Variants in AGBL4 observed in about 807,000 individuals in gnomAD.
The protein encoded by AGBL4 is cytosolic carboxypeptidase 6.
In AGBL4, 58 loss-of-function variants were observed where a neutral mutation model predicts 66.4. That is an observed-to-expected ratio of 0.87 (90% CI 0.71 to 1.09). AGBL4 has a LOEUF of 1.09. Among genes scored for constraint, AGBL4 ranks in the 50% least tolerant of loss-of-function variants. The probability of loss-of-function intolerance (pLI) is 0.00; values close to 1 mark genes in which losing one functional copy is unlikely to be tolerated. For missense variants in AGBL4, 579 were observed against 631.0 expected, an observed-to-expected ratio of 0.92 and a Z score of 0.88; for synonymous variants, 234 against 222.9, an observed-to-expected ratio of 1.05 and a Z score of -0.44.
chr1:48,816,805 T>G (rs936470552), intron 6 of AGBL4, among the ~76,000 whole-genome samples: 1 of 152,080 alleles, frequency 6.6e-6, no homozygotes, highest in African/African-American at 2.4e-5. Context: ...CACAATCTAA[T>G]GAAGGAAAAA....
At chr1:48,603,675 T>C (rs1645109537) in intron 9 of AGBL4, among the ~76,000 whole-genome samples, 1 of 152,138 alleles carries the variant, frequency 6.6e-6, no homozygotes. Flanking sequence ...TACATTTACA[T>C]TTTAGCAAGA....
chr1:48,618,911 A>G (rs527800887), intron 9 of AGBL4, among the ~76,000 whole-genome samples: 4 of 151,818 alleles, frequency 2.6e-5, no homozygotes, highest in African/African-American at 9.7e-5. Flanking sequence ...GTAATTCTGA[A>G]TTTTTGTGCT....
intron 3 of AGBL4, among the ~76,000 whole-genome samples, chr1:49,467,864 T>A (rs1003926341): frequency 3.3e-5 from 5 of 151,840 alleles, no homozygotes; most frequent in Admixed American, 6.6e-5. Context: ...CTTTAAGAGT[T>A]CCCATTTGGG....
At chr1:48,862,922 A>G (rs905608485) in intron 6 of AGBL4, among the ~76,000 whole-genome samples, 8 of 152,240 alleles carry the variant, frequency 5.3e-5, no homozygotes, top group African/African-American at 1.9e-4. Flanking sequence ...TATACAGATT[A>G]AGAGGGTTAC....
At chr1:49,682,868 CA>C (rs1202004634) in intron 3 of AGBL4, among the ~76,000 whole-genome samples, 1 of 152,138 alleles carries the variant, frequency 6.6e-6, no homozygotes, top group Non-Finnish European at 1.5e-5. Context: ...AGTCTCAGAG[CA>C]GAGACAGAAA....
intron 3 of AGBL4, among the ~76,000 whole-genome samples, chr1:49,520,505 A>G (rs1650171092): frequency 6.6e-6 from 1 of 152,116 alleles, no homozygotes; most frequent in African/African-American, 2.4e-5. Context: ...TAGAGCTTTC[A>G]AAAGTCATAA....
At chr1:49,303,259 T>A (rs1394569774) in intron 3 of AGBL4, among the ~76,000 whole-genome samples, 1 of 152,192 alleles carries the variant, frequency 6.6e-6, no homozygotes, top group African/African-American at 2.4e-5. Context: ...ATGGTTGAAC[T>A]AATTTACATT....
intron 3 of AGBL4, among the ~76,000 whole-genome samples, chr1:49,687,039 A>C (rs1646799431): frequency 6.6e-6 from 1 of 152,218 alleles, no homozygotes; most frequent in African/African-American, 2.4e-5. Flanking sequence ...GTCAAAAGCA[A>C]ACTGGATAAG....
intron 3 of AGBL4, among the ~76,000 whole-genome samples, chr1:49,522,673 T>TG (rs2148802131): frequency 6.6e-6 from 1 of 152,254 alleles, no homozygotes; most frequent in Admixed American, 6.5e-5. Context: ...CAATCACAAA[T>TG]GGACCCTTTC....
At chr1:49,086,542 C>A (rs570585148) in intron 4 of AGBL4, among the ~76,000 whole-genome samples, 115 of 152,164 alleles carry the variant, frequency 7.6e-4, no homozygotes, top group Non-Finnish European at 1.2e-3. Flanking sequence ...ACAACCCCAC[C>A]CATCCTGCCA....
rs191856066 is a variant in AGBL4 at position 49,937,707 on chromosome 1, C to T, written c.34+86056G>A. 5.9e-5 allele frequency among the ~76,000 whole-genome samples: 9 copies of T among 152,232 alleles called. No individual in the cohort carries two copies. The East Asian group carries it at 9.6e-4, about 16-fold the overall frequency. ...AATCTCATTCAAAACAGCTCAACTA[C>T]GTAGAAACTGAACAACCTGCTCCTG... is the stretch of plus-strand genomic sequence containing the variant. On this transcript the variant is annotated intron_variant, in intron 1 of 13. Coordinates refer to ENST00000371839, the MANE Select transcript of AGBL4 (RefSeq NM_032785.4).
intron 3 of AGBL4, among the ~76,000 whole-genome samples, chr1:49,429,595 C>T (rs565111995): frequency 2.0e-5 from 3 of 152,250 alleles, no homozygotes; most frequent in African/African-American, 7.2e-5. Flanking sequence ...CTACCTTACT[C>T]ATCTCCCTGC....
chr1:49,554,130 C>A (rs1330337202), intron 3 of AGBL4, among the ~76,000 whole-genome samples: 1 of 152,094 alleles, frequency 6.6e-6, no homozygotes, highest in Admixed American at 6.6e-5. Flanking sequence ...AAGATCCTGT[C>A]TAGAAACACA....
At chr1:49,117,065 G>T (rs527361380) in intron 4 of AGBL4, among the ~76,000 whole-genome samples, 124 of 146,420 alleles carry the variant, frequency 8.5e-4, no homozygotes, top group South Asian at 1.1e-3. Context: ...TTTTGATGGG[G>T]TTTTTTTTTT....
rs377102377 is a variant in AGBL4, at chr1:49,280,647, G to A, written c.283-34783C>T. On this transcript the variant is annotated intron_variant, in intron 3 of 13. Coordinates refer to ENST00000371839, the MANE Select transcript of AGBL4 (RefSeq NM_032785.4). The stretch of plus-strand genomic sequence containing the variant: ...AAGGTCCAGAGCAACGAATTAAGGA[G>A]TATAGACAAAGTAACACAGTTAATT... Among the ~76,000 whole-genome samples, 230 of 152,318 alleles carry A rather than the reference G, an allele frequency of 1.5e-3. 3 individuals carry two copies. In the South Asian group the frequency reaches 0.021, roughly 14 times the overall value.
chr1:48,559,794 CT>C (rs1416659869), intron 11 of AGBL4, among the ~76,000 whole-genome samples: 1 of 152,124 alleles, frequency 6.6e-6, no homozygotes, highest in African/African-American at 2.4e-5. Context: ...TCTCTGCCCC[CT>C]CCCCTACATT....
chr1:49,687,888 T>C (rs574763089), intron 3 of AGBL4, among the ~76,000 whole-genome samples: 1 of 152,334 alleles, frequency 6.6e-6, no homozygotes, highest in African/African-American at 2.4e-5. Context: ...CCATATCCTC[T>C]ACATATTGAA....
At chr1:48,901,364 G>A (rs574157713) in intron 5 of AGBL4, among the ~76,000 whole-genome samples, 3 of 152,120 alleles carry the variant, frequency 2.0e-5, no homozygotes, top group Admixed American at 6.6e-5. Context: ...TCCACTCCTG[G>A]GTATTTTTCC....
intron 6 of AGBL4, chr1:48,776,902 CG>C (rs1645124892): frequency 3.3e-6 from 1 of 301,140 alleles, no homozygotes; most frequent in African/African-American, 3.3e-5. Flanking sequence ...GGGGATCCGG[CG>C]GGGGGCGCGA....
Sources: allele counts gnomAD v4.1 joint callset (sites outside exome capture counted in the v4.1 genomes callset), GRCh38; gene constraint gnomAD v4.1.1; transcripts MANE v1.5; gene names NCBI Gene and HGNC (gene_info 2026-07-23, HGNC 2026-07-21).